MROH2A: variants seen among roughly 807,000 people sequenced by gnomAD.
MROH2A encodes the protein maestro heat like repeat family member 2A.
A neutral mutation model predicts 200.4 loss-of-function variants in MROH2A; 174 were observed. The ratio of observed to expected loss-of-function variants is 0.87; its 90% CI spans 0.77 to 0.98. MROH2A has a LOEUF of 0.98. Ranked by LOEUF, MROH2A falls within the 50% of genes least tolerant of loss-of-function variation. MROH2A has a pLI of 0.00. For synonymous variants in MROH2A, 829 were observed against 840.4 expected (o/e 0.99, Z 0.23); for missense variants, 2,045 against 2,139.6 (o/e 0.96, Z 0.87).
intron 31 of MROH2A, 67 bp from the exon 32 acceptor site, chr2:233,822,057 A>G: frequency 6.7e-7 from 1 of 1,490,402 alleles, no homozygotes; most frequent in Non-Finnish European, 9.0e-7. Context: ...AAGGGTTTGA[A>G]AGGGATTCTT....
At chr2:233,783,292 T>C (rs936129926) in intron 3 of MROH2A, among the ~76,000 whole-genome samples, 1 of 152,152 alleles carries the variant, frequency 6.6e-6, no homozygotes, top group Non-Finnish European at 1.5e-5. Flanking sequence ...TTGGGTAGAA[T>C]TGGTATTTGC....
At position 233,828,769 on chromosome 2, in the gene MROH2A, C is replaced by T; in HGVS notation, c.4253C>T (p.Ala1418Val). The T allele has an allele frequency of 1.3e-6, 2 of 1,550,296 alleles. No individual in the cohort carries two copies. Among genetic ancestry groups the T allele is most frequent in the South Asian group, 1.2e-5 (1 of 84,032 alleles). ...GCCCTCGGCAACATGGCCCTGGGCG[C>T]CCCCAAGAAGGTACTGTGCCTGGCC... ...LRALGNMALG[A>V]PKKVKQYRKV... Residue 1418 changes from alanine (A) to valine (V), a missense_variant, in exon 36 of 42, where the codon GCC (alanine) becomes GTC (valine). Ala to Val is a moderately conservative substitution (Grantham distance 64, BLOSUM62 0). Around this residue, in one of 3 missense-constraint regions of MROH2A, gnomAD observed 1,201 missense variants for 1,311.3 expected, o/e 0.92. Coordinates refer to ENST00000389758, the MANE Select transcript of MROH2A (RefSeq NM_001394639.1). The surrounding 1 kb of genome is among the most constrained non-coding windows in gnomAD (Gnocchi z 4.6).
At position 233,823,645 on chromosome 2, in the gene MROH2A, T is replaced by G; in HGVS notation, c.4094T>G (p.Ile1365Ser). 1.3e-6 allele frequency: 2 copies of G among 1,550,424 alleles called. No homozygotes were observed. The highest frequency in any genetic ancestry group is 2.4e-5 in the South Asian group (2 of 84,054). ...GACTCAGAAGTCCTGAGCTGCCGCA[T>G]CAGCAGCACAGCGGTCTGCGTGGAA... The part of the protein sequence containing the change: ...GMDSEVLSCR[I>S]SSTAVCFMSG... The change falls in exon 35 of 42, where the codon ATC (isoleucine) becomes AGC (serine). Residue 1365 changes from isoleucine (I) to serine (S), a missense_variant. Ile to Ser is a moderately radical substitution (Grantham distance 142). This residue lies in a region of MROH2A where 1,201 missense variants were observed against 1,311.3 expected (regional missense o/e 0.92). Coordinates refer to ENST00000389758, the MANE Select transcript of MROH2A (RefSeq NM_001394639.1).
rs28900684 is a variant in MROH2A, at chr2:233,817,866, G to A, written c.2962-136G>A. ...GATGCTTGGACAGGGGACAGACAGT[G>A]GCACCCTCCCCTTCCCCAAATGGGT... On this transcript the variant is annotated intron_variant, in intron 27 of 41. Transcript: ENST00000389758. 7.0e-3 allele frequency: 7,431 copies of A among 1,054,618 alleles called. 309 individuals carry two copies. The African/African-American group carries it at 0.095, about 13-fold the overall frequency. 65.3% of individuals were successfully genotyped at this position (1,054,618 alleles called of 1,614,324 possible). A position where few individuals can be genotyped will look rare whatever the true frequency, so the allele number is the denominator to read the frequency against.
chr2:233,818,780 G>T lies in MROH2A; in HGVS notation c.3204+10G>T. 1 of 1,511,964 alleles carries T rather than the reference G, an allele frequency of 6.6e-7. No homozygotes were observed. The highest frequency in any genetic ancestry group is 9.0e-7 in the Non-Finnish European group (1 of 1,113,512). 93.7% of individuals were successfully genotyped at this position (1,511,964 alleles called of 1,614,324 possible). ...CTCCAGAATCGCCAAGGTGACAGCC[G>T]GGGAGCCTGCCTGGGCTGCCAGGCT... On this transcript the variant is annotated intron_variant, in intron 29 of 41. Transcript: ENST00000389758.
intron 11 of MROH2A, among the ~76,000 whole-genome samples, chr2:233,798,021 G>A (rs1013313138): frequency 2.0e-5 from 3 of 152,172 alleles, no homozygotes; most frequent in African/African-American, 7.2e-5. Context: ...GTGCCTGACT[G>A]CCACCTTGTA....
intron 38 of MROH2A, among the ~76,000 whole-genome samples, chr2:233,830,281 T>C (rs1204640988): frequency 6.6e-6 from 1 of 152,148 alleles, no homozygotes; most frequent in Admixed American, 6.5e-5. Context: ...AGTTGCTGCC[T>C]CTCAGGCTAA....
intron 3 of MROH2A, among the ~76,000 whole-genome samples, chr2:233,788,130 ATT>A (rs1220594714): frequency 5.4e-4 from 57 of 105,528 alleles, no homozygotes; most frequent in African/African-American, 2.2e-3. Flanking sequence ...ATACATATAT[ATT>A]TTATATATAT....
chr2:233,831,675 C>A, intron 39 of MROH2A, 135 bp downstream of exon 39: 2 of 981,728 alleles, frequency 2.0e-6, no homozygotes, highest in African/African-American at 1.7e-5. Context: ...GAGACCGGCA[C>A]TGTGCAGCAG....
intron 3 of MROH2A, among the ~76,000 whole-genome samples, chr2:233,786,798 A>C (rs1046752079): frequency 2.6e-5 from 4 of 152,202 alleles, no homozygotes; most frequent in Admixed American, 6.5e-5. Context: ...ACAAATAGGC[A>C]CATTTTAAAA....
chr2:233,789,990 C>G lies in MROH2A; in HGVS notation c.547C>G (p.Leu183Val). ...NLTDEFVIIT[L>V]AKLANGNVFE... ...CACTGATGAATTTGTCATCATCACA[C>G]TGGCCAAGCTGGCCAACGGCAATGG... The change falls in exon 5 of 42, where the codon CTG (leucine) becomes GTG (valine). Residue 183 changes from leucine (L) to valine (V), a missense_variant. Around this residue, in one of 3 missense-constraint regions of MROH2A, gnomAD observed 831 missense variants for 800.0 expected, o/e 1.04. Coordinates refer to ENST00000389758, the MANE Select transcript of MROH2A (RefSeq NM_001394639.1). 6.5e-7 allele frequency: 1 copy of G among 1,549,816 alleles called. No homozygotes were observed. The highest frequency in any genetic ancestry group is 8.7e-7 in the Non-Finnish European group (1 of 1,146,548).
chr2:233,811,924 G>A lies in MROH2A; in HGVS notation c.2616G>A (p.Val872=), dbSNP rs1401354641. ...CGACTGACAACCTGGTTTCTCCAGT[G>A]CGAGCCTTGGCGATGGAGGCCCTCT... The part of the protein sequence containing the change: ...AEPTDNLVSP[V]RALAMEALSH... Residue 872 remains valine (V), a synonymous_variant, in exon 24 of 42, where the codon GTG becomes GTA. Coordinates refer to ENST00000389758, the MANE Select transcript of MROH2A (RefSeq NM_001394639.1). The A allele has an allele frequency of 6.5e-7, 1 of 1,550,338 alleles. No homozygotes were observed. Among genetic ancestry groups the A allele is most frequent in the Non-Finnish European group, 8.7e-7 (1 of 1,146,946 alleles).
At chr2:233,803,032 C>T (rs530245434) in intron 15 of MROH2A, among the ~76,000 whole-genome samples, 1 of 152,270 alleles carries the variant, frequency 6.6e-6, no homozygotes, top group South Asian at 2.1e-4. Flanking sequence ...TGTTTGTGCG[C>T]TGTTGGTTTG....
In MROH2A at chr2:233,809,429, G is replaced by A. The variant is rs186949147; in HGVS notation, c.2448+151G>A. ...CACGTGGGAAGCCCATTGCCCAAAT[G>A]TGCTGTTCTCTGTGCTTTGGTGTCA... On this transcript the variant is annotated intron_variant, in intron 22 of 41. Coordinates refer to ENST00000389758, the MANE Select transcript of MROH2A (RefSeq NM_001394639.1). 7.2e-5 allele frequency among the ~76,000 whole-genome samples: 11 copies of A among 152,198 alleles called. No individual in the cohort carries two copies. In the East Asian group the frequency reaches 1.5e-3, roughly 21 times the overall value.
intron 31 of MROH2A, among the ~76,000 whole-genome samples, chr2:233,821,361 C>T (rs1027436516): frequency 6.6e-6 from 1 of 150,546 alleles, no homozygotes; most frequent in Non-Finnish European, 1.5e-5. Context: ...TGCACTCTGC[C>T]CCCTCTCCAT....
Position 233,832,261 on chromosome 2 carries a change from G to A in MROH2A, c.4819G>A (p.Ala1607Thr), listed in dbSNP as rs896301529. The A allele has an allele frequency of 3.2e-5, 50 of 1,550,594 alleles. No individual in the cohort carries two copies. The Admixed American group carries it at 6.5e-4, about 20-fold the overall frequency. ...AAATAACTTGTCAAGAATCAGAATCGCTGCTTGCAACTTGGCAGGTGAGCA... is the reference window on the plus strand; with the variant it reads ...AAATAACTTGTCAAGAATCAGAATCACTGCTTGCAACTTGGCAGGTGAGCA... ...VKNNLSRIRI[A>T]ACNLAGIIMK... The change falls in exon 40 of 42, where the codon GCT (alanine) becomes ACT (threonine). Residue 1607 changes from alanine to threonine, a missense_variant. Physicochemically the swap from Ala to Thr is moderately conservative, Grantham distance 58. Around this residue, in one of 3 missense-constraint regions of MROH2A, gnomAD observed 1,201 missense variants for 1,311.3 expected, o/e 0.92. Coordinates refer to ENST00000389758, the MANE Select transcript of MROH2A (RefSeq NM_001394639.1).
intron 39 of MROH2A, among the ~76,000 whole-genome samples, 174 bp downstream of exon 39, chr2:233,831,714 C>T (rs1242154409): frequency 1.3e-5 from 2 of 152,196 alleles, no homozygotes; most frequent in African/African-American, 2.4e-5. Flanking sequence ...GTGCCTATTT[C>T]AGCTGTCTGA....
At chr2:233,784,832 G>C (rs368204380) in intron 3 of MROH2A, among the ~76,000 whole-genome samples, 2 of 152,300 alleles carry the variant, frequency 1.3e-5, no homozygotes, top group East Asian at 3.9e-4. Context: ...TTATAGCAAT[G>C]CAAGAACAGA....
At position 233,814,531 on chromosome 2, in the gene MROH2A, G is replaced by T. The variant is rs1238127643; in HGVS notation, c.2761-51G>T. 19 of 1,373,516 alleles carry T rather than the reference G, an allele frequency of 1.4e-5. No individual in the cohort carries two copies. The Admixed American group carries it at 1.4e-4, about 10-fold the overall frequency. 85.1% of individuals were successfully genotyped at this position (1,373,516 alleles called of 1,614,324 possible). A position where few individuals can be genotyped will look rare whatever the true frequency, so the allele number is the denominator to read the frequency against. On this transcript the variant is annotated intron_variant, in intron 25 of 41. Coordinates refer to ENST00000389758, the MANE Select transcript of MROH2A (RefSeq NM_001394639.1). ...GCATGAACTCCCTGCAGGGAGGGGGGTTGTGGGTGCCCCTCATTGCCGCCT... is the reference window on the plus strand; with the variant it reads ...GCATGAACTCCCTGCAGGGAGGGGGTTTGTGGGTGCCCCTCATTGCCGCCT...
Sources: gnomAD v4.1 joint callset for allele counts (sites outside exome capture counted in the v4.1 genomes callset) on GRCh38, gnomAD v4.1.1 for gene constraint, gnomAD v4.1.1 regional missense constraint, Gnocchi (gnomAD v3.1) non-coding constraint, MANE v1.5 for transcripts, NCBI Gene and HGNC (gene_info 2026-07-23, HGNC 2026-07-21) for gene names.